RARB: variants seen among roughly 807,000 people sequenced by gnomAD.
RARB encodes the protein retinoic acid receptor beta.
RARB carries 17 observed loss-of-function variants against 51.9 expected under a neutral mutation model. The ratio of observed to expected loss-of-function variants is 0.33; its 90% confidence interval spans 0.22 to 0.49. RARB has a LOEUF of 0.49. RARB is among the 20% of genes least tolerant of loss of function. The pLI, the probability that RARB is intolerant of heterozygous loss-of-function variation, is 0.99. For missense variants in RARB, 369 were observed against 550.8 expected (o/e 0.67, Z 3.30); for synonymous variants, 215 against 195.4 (o/e 1.10, Z -0.84).
upstream of RARB, among the ~76,000 whole-genome samples, chr3:25,427,988 A>G (rs575589809): frequency 6.6e-6 from 1 of 152,310 alleles, no homozygotes; most frequent in Non-Finnish European, 1.5e-5. Context: ...AACGTGAGCC[A>G]GGAGCAGCGT....
intron 5 of RARB, among the ~76,000 whole-genome samples, chr3:25,586,070 A>C (rs59116824): frequency 0.032 from 4,942 of 152,144 alleles, 255 homozygotes; most frequent in African/African-American, 0.11. Flanking sequence ...CCAACTCACA[A>C]GGGCGCCTCT....
At chr3:24,887,973 G>C (rs1703295109) in intron 2 of RARB, among the ~76,000 whole-genome samples, 1 of 152,118 alleles carries the variant, frequency 6.6e-6, no homozygotes, top group Non-Finnish European at 1.5e-5. Flanking sequence ...TGTGTGACTA[G>C]CTGGTCTATC....
At chr3:25,174,688 TC>T in intron 5 of RARB, 1 of 1,042,796 alleles carries the variant, frequency 9.6e-7, no homozygotes. Context: ...GGTGCTGGTT[TC>T]TTTTGGTCTT....
At chr3:25,163,021 C>T (rs928945723) in intron 4 of RARB, among the ~76,000 whole-genome samples, 6 of 152,174 alleles carry the variant, frequency 3.9e-5, no homozygotes, top group South Asian at 2.1e-4. Context: ...GTGGCTGAAA[C>T]ATTTGATATT....
chr3:25,079,720 A>G (rs1698953125), intron 3 of RARB, among the ~76,000 whole-genome samples: 1 of 152,192 alleles, frequency 6.6e-6, no homozygotes. Context: ...TTTGTTTTAG[A>G]ATAAAACTAG....
intron 3 of RARB, among the ~76,000 whole-genome samples, chr3:25,081,604 TATATATATATATATATA>T (rs1215417315): frequency 2.0e-4 from 3 of 14,822 alleles, no homozygotes; most frequent in Non-Finnish European, 4.3e-4. Flanking sequence ...TATATATATA[TATATATATATATATATA>T]TTTTTTTTTT....
At chr3:25,417,112 G>A (rs1045696433) in intron 5 of RARB, among the ~76,000 whole-genome samples, 1 of 151,534 alleles carries the variant, frequency 6.6e-6, no homozygotes, top group African/African-American at 2.4e-5. Context: ...CCTTTCCTTA[G>A]AAGCCGCTGG....
At chr3:25,320,805 G>GT (rs1254152352) in intron 5 of RARB, among the ~76,000 whole-genome samples, 1 of 152,156 alleles carries the variant, frequency 6.6e-6, no homozygotes, top group Admixed American at 6.5e-5. Context: ...TTCTTTCCCA[G>GT]TGAACTCATC....
intron 5 of RARB, among the ~76,000 whole-genome samples, chr3:25,190,409 G>A (rs1273629372): frequency 6.6e-6 from 1 of 152,042 alleles, no homozygotes; most frequent in African/African-American, 2.4e-5. Context: ...GCATATATAT[G>A]TGTGTATATA....
intron 2 of RARB, among the ~76,000 whole-genome samples, chr3:24,919,824 C>G (rs948840079): frequency 1.3e-5 from 2 of 152,182 alleles, no homozygotes; most frequent in Admixed American, 6.5e-5. Context: ...CTAGCAGTTT[C>G]CTCTTTCTGC....
chr3:24,940,800 C>T (rs1347787450), intron 2 of RARB, among the ~76,000 whole-genome samples: 1 of 152,150 alleles, frequency 6.6e-6, no homozygotes, highest in Non-Finnish European at 1.5e-5. Context: ...CGGCTTCAGT[C>T]CCTTACTGAC....
chr3:24,993,219 A>C (rs1370165499), intron 2 of RARB, among the ~76,000 whole-genome samples: 3 of 152,194 alleles, frequency 2.0e-5, no homozygotes, highest in Non-Finnish European at 2.9e-5. Context: ...CTCAACTTTT[A>C]AAAATGGTGT....
intron 5 of RARB, among the ~76,000 whole-genome samples, chr3:25,246,198 T>G (rs1702556178): frequency 6.6e-6 from 1 of 152,080 alleles, no homozygotes; most frequent in African/African-American, 2.4e-5. Flanking sequence ...TCTAAACTAG[T>G]TATTCCAGTT....
intron 2 of RARB, among the ~76,000 whole-genome samples, chr3:24,889,063 G>A (rs1703321555): frequency 6.6e-6 from 1 of 152,146 alleles, no homozygotes; most frequent in Non-Finnish European, 1.5e-5. Context: ...TTCTGCTGAG[G>A]GCAGGAAGTG....
chr3:25,108,729 GT>G (rs144124170), intron 3 of RARB, among the ~76,000 whole-genome samples: 3,316 of 152,196 alleles, frequency 0.022, 65 homozygotes, highest in South Asian at 0.11. Context: ...TTTTCTTGAT[GT>G]TTTTTACTGT....
At chr3:25,075,734 TA>T (rs1698858122) in intron 3 of RARB, among the ~76,000 whole-genome samples, 1 of 151,764 alleles carries the variant, frequency 6.6e-6, no homozygotes, top group Admixed American at 6.6e-5. Context: ...AATCCCCTGA[TA>T]AAATATTATT....
chr3:25,231,282 C>T (rs1490467047), intron 5 of RARB, among the ~76,000 whole-genome samples: 1 of 152,176 alleles, frequency 6.6e-6, no homozygotes, highest in Non-Finnish European at 1.5e-5. Context: ...TTGCTTTTCT[C>T]AGGAAATAGA....
In RARB at chr3:25,345,301, A is replaced by G. The variant is rs1422071373; in HGVS notation, c.179-115892A>G. On this transcript the variant is annotated intron_variant, in intron 5 of 11. Coordinates refer to the RARB transcript ENST00000383772. Reference sequence around the variant, plus strand: ...AACTGAGGCTGCTGAGCAGAAATTCATAGCACTTTATTTTTCCTTTTCGGC... The same window carrying G: ...AACTGAGGCTGCTGAGCAGAAATTCGTAGCACTTTATTTTTCCTTTTCGGC... Among the ~76,000 whole-genome samples, 3 of 152,184 alleles carry G rather than the reference A, an allele frequency of 2.0e-5. No individual in the cohort carries two copies. The East Asian group carries it at 5.8e-4, about 29-fold the overall frequency.
intron 3 of RARB, among the ~76,000 whole-genome samples, chr3:25,104,756 G>C (rs907517950): frequency 3.3e-5 from 5 of 152,192 alleles, no homozygotes; most frequent in African/African-American, 1.2e-4. Context: ...ACCCACAACA[G>C]TAGAACATCA....
Sources: allele counts gnomAD v4.1 joint callset (sites outside exome capture counted in the v4.1 genomes callset), GRCh38; gene constraint gnomAD v4.1.1; transcripts MANE v1.5; gene names NCBI Gene and HGNC (gene_info 2026-07-23, HGNC 2026-07-21).